Variants in ILDR2 observed in about 807,000 individuals in gnomAD.
ILDR2 encodes immunoglobulin-like domain-containing receptor 2.
In ILDR2, 25 loss-of-function variants were observed where a neutral mutation model predicts 66.8. That is an observed-to-expected ratio of 0.37 (90% CI 0.27 to 0.52). ILDR2 has a LOEUF of 0.52. Among genes scored for constraint, ILDR2 ranks in the 20% least tolerant of loss-of-function variants. ILDR2 has a pLI of 0.88. For missense variants in ILDR2, 827 were observed against 876.8 expected, an observed-to-expected ratio of 0.94 and a Z score of 0.72; for synonymous variants, 367 against 357.2, an observed-to-expected ratio of 1.03 and a Z score of -0.31.
At position 166,936,471 on chromosome 1, in the gene ILDR2, G is replaced by A; in HGVS notation, c.703+120C>T. On this transcript the variant is annotated intron_variant, in intron 5 of 9. Coordinates refer to ENST00000271417, the MANE Select transcript of ILDR2 (RefSeq NM_199351.3). This position sits in a 1 kb window ranked among gnomAD's most constrained non-coding sequence, Gnocchi z 5.0. ...CACCCAGCGGAGAAGAGTCTGGAAT[G>A]ACCAATCTTGGGGGTGGCAGGACAG... The A allele has an allele frequency of 1.3e-6, 2 of 1,481,810 alleles. No individual in the cohort carries two copies. Among genetic ancestry groups the A allele is most frequent in the East Asian group, 4.8e-5 (2 of 41,838 alleles). 91.8% of individuals were successfully genotyped at this position (1,481,810 alleles called of 1,614,324 possible).
At position 166,914,482 on chromosome 1, in the gene ILDR2, T is replaced by C. The variant is rs1659569127; in HGVS notation, c.*4873A>G. Reference sequence around the variant, plus strand: ...TTTTCAACCTCAGTTTTACATTCTATGTAATGAGACCACAACATCTGCCCT... The same window carrying C: ...TTTTCAACCTCAGTTTTACATTCTACGTAATGAGACCACAACATCTGCCCT... On this transcript the variant is annotated 3_prime_UTR_variant, in exon 10 of 10. Transcript: ENST00000271417. 1 of 152,222 alleles carries C rather than the reference T, an allele frequency of 6.6e-6. No homozygotes were observed. Among genetic ancestry groups the C allele is most frequent in the Non-Finnish European group, 1.5e-5 (1 of 68,030 alleles). The allele number at this position is 152,222 out of a possible 1,614,324, so 9.4% of individuals were successfully genotyped here.
At chr1:166,903,827 GAACTCT>G (rs1318541993), downstream of ILDR2, among the ~76,000 whole-genome samples, 1 of 152,050 alleles carries the variant, frequency 6.6e-6, no homozygotes, top group Non-Finnish European at 1.5e-5. Context: ...CCTTTCCTTG[GAACTCT>G]GCCCGATGGT....
In ILDR2 at chr1:166,928,168, A is replaced by C. The variant is rs184112469; in HGVS notation, c.881-988T>G. ...ACTGGGCACTGAAAATGTGCTAGGT[A>C]CTGTGCTAAATGCTTTACATGGACA... is the stretch of plus-strand genomic sequence containing the variant. On this transcript the variant is annotated intron_variant, in intron 6 of 9. Coordinates refer to ENST00000271417, the MANE Select transcript of ILDR2 (RefSeq NM_199351.3). Among the ~76,000 whole-genome samples, 3 of 152,350 alleles carry C rather than the reference A, an allele frequency of 2.0e-5. No individual in the cohort carries two copies. The East Asian group carries it at 5.8e-4, about 29-fold the overall frequency.
intron 5 of ILDR2, 70 bp from the exon 6 acceptor site, chr1:166,935,547 C>T: frequency 7.1e-7 from 1 of 1,400,046 alleles, no homozygotes; most frequent in Non-Finnish European, 9.6e-7. Flanking sequence ...ACCAAAAATC[C>T]CTGAGGATGC....
chr1:166,951,613 G>T (rs1257396294), intron 3 of ILDR2, among the ~76,000 whole-genome samples: 1 of 152,098 alleles, frequency 6.6e-6, no homozygotes, highest in Non-Finnish European at 1.5e-5. Flanking sequence ...CAATAAGCAT[G>T]TATCTTTTTT....
At chr1:166,930,316 G>A (rs1445997597) in intron 6 of ILDR2, among the ~76,000 whole-genome samples, 1 of 152,176 alleles carries the variant, frequency 6.6e-6, no homozygotes, top group Admixed American at 6.5e-5. Flanking sequence ...TTTGCCTTCA[G>A]TGCTGGCATT....
In ILDR2 at chr1:166,917,616, A is replaced by G. The variant is rs553308454; in HGVS notation, c.*1739T>C. ...CAATAGTGGAGGCTATGAGAAACAC[A>G]AGTTTGGATGGATTAAGAGGTTCAG... On this transcript the variant is annotated 3_prime_UTR_variant, in exon 10 of 10. Coordinates refer to ENST00000271417, the MANE Select transcript of ILDR2 (RefSeq NM_199351.3). 1 of 152,356 alleles carries G rather than the reference A, an allele frequency of 6.6e-6. No individual in the cohort carries two copies. The highest frequency in any genetic ancestry group is 2.1e-4 in the South Asian group (1 of 4,826). 9.4% of individuals were successfully genotyped at this position (152,356 alleles called of 1,614,324 possible).
chr1:166,929,554 G>C (rs1660508847), intron 6 of ILDR2, among the ~76,000 whole-genome samples: 1 of 152,186 alleles, frequency 6.6e-6, no homozygotes, highest in Admixed American at 6.5e-5. Flanking sequence ...CTGTCAGCCT[G>C]GGAATTGGGG....
rs1160031881 is a variant in ILDR2 at position 166,909,775 on chromosome 1, A to ATATT, written c.*9579_*9580insAATA. 1 of 65,156 alleles carries ATATT rather than the reference A, an allele frequency of 1.5e-5. No individual in the cohort carries two copies. The highest frequency in any genetic ancestry group is 7.2e-5 in the African/African-American group (1 of 13,962). The allele number at this position is 65,156 out of a possible 1,614,324, so 4.0% of individuals were successfully genotyped here. A position where few individuals can be genotyped will look rare whatever the true frequency, so the allele number is the denominator to read the frequency against. ...TATATATATAAATATATATAAATAT[A>ATATT]TATATTTATATATATATATATATAT... On this transcript the variant is annotated 3_prime_UTR_variant, in exon 10 of 10. Coordinates refer to ENST00000271417, the MANE Select transcript of ILDR2 (RefSeq NM_199351.3).
At chr1:166,933,016 T>C (rs1176919647) in intron 6 of ILDR2, among the ~76,000 whole-genome samples, 3 of 152,160 alleles carry the variant, frequency 2.0e-5, no homozygotes, top group African/African-American at 7.2e-5. Flanking sequence ...GCATGCCTGG[T>C]GAGGATCATG....
intron 2 of ILDR2, among the ~76,000 whole-genome samples, chr1:166,900,416 A>G (rs766417390): frequency 6.6e-6 from 1 of 152,220 alleles, no homozygotes; most frequent in Non-Finnish European, 1.5e-5. Context: ...CACAAATAAA[A>G]CATTTCATCT....
intron 2 of ILDR2, among the ~76,000 whole-genome samples, chr1:166,899,448 AG>A (rs1247803726): frequency 6.6e-6 from 1 of 152,184 alleles, no homozygotes; most frequent in African/African-American, 2.4e-5. Flanking sequence ...GCTATCCTCA[AG>A]GAGTTTACAG....
chr1:166,898,292 T>C (rs1659205510), intron 2 of ILDR2, among the ~76,000 whole-genome samples: 1 of 152,190 alleles, frequency 6.6e-6, no homozygotes, highest in Admixed American at 6.5e-5. Flanking sequence ...TACAGGATGT[T>C]GAAATAGAAA....
chr1:166,964,791 C>G (rs1557957937), intron 1 of ILDR2, among the ~76,000 whole-genome samples: 1 of 152,206 alleles, frequency 6.6e-6, no homozygotes, highest in African/African-American at 2.4e-5. Flanking sequence ...TGCCCCAATT[C>G]TCATGTAAAG....
intron 1 of ILDR2, among the ~76,000 whole-genome samples, chr1:166,968,353 A>G (rs547339371): frequency 6.6e-6 from 1 of 152,258 alleles, no homozygotes; most frequent in East Asian, 1.9e-4. Flanking sequence ...TTGCTCAGCT[A>G]TCACTGCCTC....
In ILDR2 at chr1:166,949,093, T is replaced by C. The variant is rs74119519; in HGVS notation, c.499+7640A>G. ...CAGAGAGACCTTTGGTCAAGATCAG[T>C]TTCACAGCCTCAGCACTATTTCTAT... On this transcript the variant is annotated intron_variant, in intron 3 of 9. Transcript: ENST00000271417. 7.3e-3 allele frequency among the ~76,000 whole-genome samples: 1,119 copies of C among 152,318 alleles called. 13 individuals carry two copies. Among genetic ancestry groups the C allele is most frequent in the African/African-American group, 0.026 (1,073 of 41,576 alleles).
At chr1:166,905,489 G>A (rs1659330848), downstream of ILDR2, among the ~76,000 whole-genome samples, 1 of 152,202 alleles carries the variant, frequency 6.6e-6, no homozygotes, top group Non-Finnish European at 1.5e-5. Context: ...ATATGGTGGA[G>A]AGGGAGCAGA....
intron 3 of ILDR2, among the ~76,000 whole-genome samples, chr1:166,941,743 T>C (rs1037242758): frequency 6.6e-6 from 1 of 152,216 alleles, no homozygotes; most frequent in African/African-American, 2.4e-5. Flanking sequence ...GAAACTTTGC[T>C]AGTGTTTACT....
intron 2 of ILDR2, among the ~76,000 whole-genome samples, chr1:166,898,723 A>C (rs985921570): frequency 6.6e-6 from 1 of 151,974 alleles, no homozygotes; most frequent in Non-Finnish European, 1.5e-5. Context: ...TTTTCCTAAC[A>C]AATATTTGGG....
Sources: allele counts gnomAD v4.1 joint callset (sites outside exome capture counted in the v4.1 genomes callset), GRCh38; gene constraint gnomAD v4.1.1; non-coding constraint Gnocchi (gnomAD v3.1); transcripts MANE v1.5; gene names NCBI Gene and HGNC (gene_info 2026-07-23, HGNC 2026-07-21).